MAVS: variants seen among roughly 807,000 people sequenced by gnomAD.
The protein encoded by MAVS is mitochondrial antiviral signaling protein.
A neutral mutation model predicts 30.2 loss-of-function variants in MAVS; 20 were observed. The ratio of observed to expected loss-of-function variants is 0.66; its 90% CI spans 0.47 to 0.96. The LOEUF is 0.96. Among genes scored for constraint, MAVS ranks in the 40% least tolerant of loss-of-function variants. The probability of loss-of-function intolerance (pLI) is 0.00; values close to 1 mark genes in which losing one functional copy is unlikely to be tolerated. For missense variants in MAVS, 624 were observed against 701.1 expected, an observed-to-expected ratio of 0.89 and a Z score of 1.24; for synonymous variants, 278 against 293.9, an observed-to-expected ratio of 0.95 and a Z score of 0.55.
rs1444585160 is a variant in MAVS, at chr20:3,873,826, A to C, written c.*7679A>C. 3.1e-6 allele frequency: 1 copy of C among 324,422 alleles called. No homozygotes were observed. Among genetic ancestry groups the C allele is most frequent in the Non-Finnish European group, 5.6e-6 (1 of 179,372 alleles). 20.1% of individuals were successfully genotyped at this position (324,422 alleles called of 1,614,324 possible). ...TGTTTCATTGTAACCTGAATGGACC[A>C]AGCTGGTGTGACCCTGTTGGAAAAC... On this transcript the variant is annotated 3_prime_UTR_variant, in exon 7 of 7. Transcript: ENST00000428216.
rs1797827759 is a variant in MAVS at position 3,857,659 on chromosome 20, C to G, written c.142C>G (p.Leu48Val). ...DQDRLRATCT[L>V]SGNRDTLWHL... Reference sequence around the variant, plus strand: ...GGATCGACTGCGGGCCACCTGCACACTCTCAGGGAACCGGGACACCCTCTG... The same window carrying G: ...GGATCGACTGCGGGCCACCTGCACAGTCTCAGGGAACCGGGACACCCTCTG... The change falls in exon 3 of 7, where the codon CTC (leucine) becomes GTC (valine). Residue 48 changes from leucine (L) to valine (V), a missense_variant. Physicochemically the swap from Leu to Val is conservative, Grantham distance 32. Coordinates refer to ENST00000428216, the MANE Select transcript of MAVS (RefSeq NM_020746.5). 6.2e-7 allele frequency: 1 copy of G among 1,613,852 alleles called. No homozygotes were observed. The highest frequency in any genetic ancestry group is 1.3e-5 in the African/African-American group (1 of 74,946).
chr20:3,865,886 C>T lies in MAVS; in HGVS notation c.1362C>T (p.Gly454=), dbSNP rs2089903514. The change falls in exon 7 of 7, where the codon GGC becomes GGT. Residue 454 remains glycine, a synonymous_variant. Coordinates refer to ENST00000428216, the MANE Select transcript of MAVS (RefSeq NM_020746.5). This position sits in a 1 kb window ranked among gnomAD's most constrained non-coding sequence, Gnocchi z 4.7. ...STSLGMGPCH[G]PEENEYKSEG... ...CCTTGGGCATGGGGCCCTGCCATGGCCCAGAGGAGAATGAGTATAAGTCCG... is the reference window on the plus strand; with the variant it reads ...CCTTGGGCATGGGGCCCTGCCATGGTCCAGAGGAGAATGAGTATAAGTCCG... 5 of 1,614,062 alleles carry T rather than the reference C, an allele frequency of 3.1e-6. No homozygotes were observed. Among genetic ancestry groups the T allele is most frequent in the Non-Finnish European group, 4.2e-6 (5 of 1,180,042 alleles).
intron 3 of MAVS, among the ~76,000 whole-genome samples, chr20:3,859,642 T>C (rs1362364214): frequency 6.6e-6 from 1 of 151,998 alleles, no homozygotes; most frequent in African/African-American, 2.4e-5. Context: ...GATAGTCATG[T>C]GGAGGAGAAA....
rs2089970950 is a variant in MAVS at position 3,873,625 on chromosome 20, TGAGG to T, written c.*7482_*7485del. 6.6e-6 allele frequency: 1 copy of T among 152,458 alleles called. No homozygotes were observed. The highest frequency in any genetic ancestry group is 2.1e-4 in the South Asian group (1 of 4,834). 9.4% of individuals were successfully genotyped at this position (152,458 alleles called of 1,614,324 possible). Reference sequence around the variant, plus strand: ...GGGTTAGCACCTTATAAAACAGGCTTGAGGGAGCCCTTCTGTCCCTTCTACCATG... The same window carrying T: ...GGGTTAGCACCTTATAAAACAGGCTTGAGCCCTTCTGTCCCTTCTACCATG... On this transcript the variant is annotated 3_prime_UTR_variant, in exon 7 of 7. Transcript: ENST00000428216.
In MAVS at chr20:3,862,369, G is replaced by T. The variant is rs766067794; in HGVS notation, c.581G>T (p.Gly194Val). The change falls in exon 5 of 7, where the codon GGG becomes GTG. Residue 194 changes from glycine (G) to valine (V), a missense_variant. Physicochemically the swap from Gly to Val is moderately radical, Grantham distance 109. Coordinates refer to ENST00000428216, the MANE Select transcript of MAVS (RefSeq NM_020746.5). ...GCCCTCAGCCCTCTGACCTCCAGCGGGCATCAGGAGCAGGACACAGAACTG... is the reference window on the plus strand; with the variant it reads ...GCCCTCAGCCCTCTGACCTCCAGCGTGCATCAGGAGCAGGACACAGAACTG... ...LAALSPLTSS[G>V]HQEQDTELGS... 1 of 1,614,100 alleles carries T rather than the reference G, an allele frequency of 6.2e-7. No homozygotes were observed. Among genetic ancestry groups the T allele is most frequent in the South Asian group, 1.1e-5 (1 of 91,090 alleles).
chr20:3,864,924 G>C, intron 6 of MAVS, 136 bp downstream of exon 6: 6 of 1,059,704 alleles, frequency 5.7e-6, no homozygotes, highest in Non-Finnish European at 6.8e-6. Flanking sequence ...CTCCTTGAGG[G>C]CATACAGACA....
Position 3,865,786 on chromosome 20 carries a change from C to T in MAVS, c.1262C>T (p.Pro421Leu). ...GGCCTTGGGTCGGAGCTGAGTAAGCCTGGCGTGCTGGCATCCCAGGTAGAC... is the reference window on the plus strand; with the variant it reads ...GGCCTTGGGTCGGAGCTGAGTAAGCTTGGCGTGCTGGCATCCCAGGTAGAC... ...NRGLGSELSK[P>L]GVLASQVDSP... is the part of the protein sequence containing the mutation. The change falls in exon 7 of 7, where the codon CCT becomes CTT. Residue 421 changes from proline to leucine, a missense_variant. Pro to Leu is a moderately conservative substitution (Grantham distance 98). Transcript: ENST00000428216. The surrounding 1 kb of genome is among the most constrained non-coding windows in gnomAD (Gnocchi z 4.7). 1 of 1,613,836 alleles carries T rather than the reference C, an allele frequency of 6.2e-7. No homozygotes were observed. Among genetic ancestry groups the T allele is most frequent in the Non-Finnish European group, 8.5e-7 (1 of 1,180,008 alleles).
At chr20:3,853,407 A>G (rs1367178521) in intron 1 of MAVS, among the ~76,000 whole-genome samples, 1 of 150,470 alleles carries the variant, frequency 6.6e-6, no homozygotes, top group African/African-American at 2.4e-5. Flanking sequence ...AATGGCGTGA[A>G]CCCGAGAGGC....
At position 3,864,761 on chromosome 20, in the gene MAVS, C is replaced by A. The variant is rs755013390; in HGVS notation, c.1131C>A (p.Val377=). 22 of 1,614,098 alleles carry A rather than the reference C, an allele frequency of 1.4e-5. No homozygotes were observed. The South Asian group carries it at 1.9e-4, about 14-fold the overall frequency. The change falls in exon 6 of 7, where the codon GTC becomes GTA. Residue 377 remains valine, a synonymous_variant. Transcript: ENST00000428216. The part of the protein sequence containing the change: ...MVLTKVSAST[V]PTDGSSRNEE... The stretch of plus-strand genomic sequence containing the variant: ...TCACCAAGGTGTCTGCCAGCACAGT[C>A]CCCACTGACGGGAGCAGCAGAAATG...
chr20:3,854,518 C>G (rs1470042438), intron 1 of MAVS, 40 bp from the exon 2 acceptor site: 6 of 659,832 alleles, frequency 9.1e-6, no homozygotes, highest in Non-Finnish European at 1.5e-5. Context: ...CACTCCCAAC[C>G]CCCCAACCCT....
chr20:3,864,471 A>G lies in MAVS; in HGVS notation c.841A>G (p.Ile281Val), dbSNP rs925429866. Reference sequence around the variant, plus strand: ...TGCAGAGAGTGACCAGGCCGAGCCTATCATCTGCTCCAGTGGGGCAGAGGC... The same window carrying G: ...TGCAGAGAGTGACCAGGCCGAGCCTGTCATCTGCTCCAGTGGGGCAGAGGC... The part of the protein sequence containing the change: ...QGAESDQAEP[I>V]ICSSGAEAPA... Residue 281 changes from isoleucine to valine, a missense_variant, in exon 6 of 7, where the codon ATC becomes GTC. Physicochemically the swap from Ile to Val is conservative, Grantham distance 29. Coordinates refer to ENST00000428216, the MANE Select transcript of MAVS (RefSeq NM_020746.5). 1 of 1,613,910 alleles carries G rather than the reference A, an allele frequency of 6.2e-7. No individual in the cohort carries two copies. The highest frequency in any genetic ancestry group is 1.3e-5 in the African/African-American group (1 of 74,906).
Position 3,865,575 on chromosome 20 carries a change from G to T in MAVS, c.1159-108G>T. On this transcript the variant is annotated intron_variant, in intron 6 of 6. Coordinates refer to ENST00000428216, the MANE Select transcript of MAVS (RefSeq NM_020746.5). This position sits in a 1 kb window ranked among gnomAD's most constrained non-coding sequence, Gnocchi z 4.7. ...CTAGGGGCATTATAGATTGGGAATT[G>T]AGGGGTTGGAGTGTTAGTTCATGCC... 1.9e-6 allele frequency: 2 copies of T among 1,027,140 alleles called. No homozygotes were observed. Among genetic ancestry groups the T allele is most frequent in the Non-Finnish European group, 1.4e-6 (1 of 717,050 alleles). The allele number at this position is 1,027,140 out of a possible 1,614,324, so 63.6% of individuals were successfully genotyped here. A position where few individuals can be genotyped will look rare whatever the true frequency, so the allele number is the denominator to read the frequency against.
At chr20:3,859,879 C>T (rs1218779090) in intron 3 of MAVS, among the ~76,000 whole-genome samples, 4 of 147,780 alleles carry the variant, frequency 2.7e-5, no homozygotes, top group Non-Finnish European at 4.5e-5. Flanking sequence ...TGCAGTGGTG[C>T]CATCTCAGCT....
In MAVS at chr20:3,851,990, C is replaced by CTTTTTTTTTTTTTTTTTTTTTTTT. The variant is rs770960832; in HGVS notation, c.-67-2551_-67-2550insTTTTTTTTTTTTTTTTTTTTTTTT. Reference sequence around the variant, plus strand: ...AAAAAAAGAATGTATGTGTAGCAGGCTTTTTTTTTTTTTTTTTCCCCCGAG... The same window carrying CTTTTTTTTTTTTTTTTTTTTTTTT: ...AAAAAAAGAATGTATGTGTAGCAGGCTTTTTTTTTTTTTTTTTTTTTTTTTTTTTTTTTTTTTTTTTCCCCCGAG... On this transcript the variant is annotated intron_variant, in intron 1 of 6. Transcript: ENST00000428216. Among the ~76,000 whole-genome samples, 19 of 80,444 alleles carry CTTTTTTTTTTTTTTTTTTTTTTTT rather than the reference C, an allele frequency of 2.4e-4. 2 individuals carry two copies. Among genetic ancestry groups the CTTTTTTTTTTTTTTTTTTTTTTTT allele is most frequent in the African/African-American group, 2.0e-3 (17 of 8,460 alleles). 52.8% of individuals were successfully genotyped at this position (80,444 alleles called of 152,430 possible).
intron 1 of MAVS, among the ~76,000 whole-genome samples, chr20:3,851,220 C>A (rs902024692): frequency 6.6e-6 from 1 of 151,800 alleles, no homozygotes. Flanking sequence ...CCCAGCTACT[C>A]GGGAGGCTGA....
At chr20:3,862,029 G>A (rs183116553) in intron 4 of MAVS, among the ~76,000 whole-genome samples, 7 of 152,306 alleles carry the variant, frequency 4.6e-5, no homozygotes, top group African/African-American at 1.2e-4. Flanking sequence ...GATTACAGGC[G>A]TGAGCCACCG....
At chr20:3,850,881 G>A (rs6107355) in intron 1 of MAVS, among the ~76,000 whole-genome samples, 9,626 of 127,584 alleles carry the variant, frequency 0.075, 504 homozygotes, top group African/African-American at 0.16. Flanking sequence ...GCGAAACTCC[G>A]TCTCAAAAAA....
At position 3,873,349 on chromosome 20, in the gene MAVS, C is replaced by A. The variant is rs1299198608; in HGVS notation, c.*7202C>A. 2 of 152,098 alleles carry A rather than the reference C, an allele frequency of 1.3e-5. No individual in the cohort carries two copies. The highest frequency in any genetic ancestry group is 2.9e-5 in the Non-Finnish European group (2 of 68,032). The allele number at this position is 152,098 out of a possible 1,614,324, so 9.4% of individuals were successfully genotyped here. A position where few individuals can be genotyped will look rare whatever the true frequency, so the allele number is the denominator to read the frequency against. On this transcript the variant is annotated 3_prime_UTR_variant, in exon 7 of 7. Transcript: ENST00000428216. The stretch of plus-strand genomic sequence containing the variant: ...AGGAGTCTGAGATCAGCCTGGCCAA[C>A]ATGGTGAAACCCCATCTGTACTAAA...
chr20:3,849,636 G>C (rs972673516), intron 1 of MAVS, among the ~76,000 whole-genome samples: 3 of 152,188 alleles, frequency 2.0e-5, no homozygotes, highest in African/African-American at 7.2e-5. Context: ...CAGAGCCTGA[G>C]AACAGCTCAG....
Sources: allele counts gnomAD v4.1 joint callset (sites outside exome capture counted in the v4.1 genomes callset), GRCh38; gene constraint gnomAD v4.1.1; non-coding constraint Gnocchi (gnomAD v3.1); transcripts MANE v1.5; gene names NCBI Gene and HGNC (gene_info 2026-07-23, HGNC 2026-07-21).